Variants in MACROD2 observed in about 807,000 individuals in gnomAD.
MACROD2 encodes the protein mono-ADP ribosylhydrolase 2.
A neutral mutation model predicts 70.4 loss-of-function variants in MACROD2; 36 were observed. That is an observed-to-expected ratio of 0.51 (90% confidence interval 0.39 to 0.68). MACROD2 has a LOEUF of 0.68. Among genes scored for constraint, MACROD2 ranks in the 30% least tolerant of loss-of-function variants. MACROD2 has a pLI of 0.00. For missense variants in MACROD2, 496 were observed against 538.4 expected (o/e 0.92, Z 0.78); for synonymous variants, 172 against 178.8 (o/e 0.96, Z 0.30).
chr20:14,462,664 T>C (rs1316401723), intron 3 of MACROD2, among the ~76,000 whole-genome samples: 2 of 152,164 alleles, frequency 1.3e-5, no homozygotes, highest in Non-Finnish European at 2.9e-5. Context: ...TTTTATCATT[T>C]TAGATCTAAC....
At chr20:15,491,230 G>A (rs1371893640) in intron 7 of MACROD2, among the ~76,000 whole-genome samples, 1 of 152,130 alleles carries the variant, frequency 6.6e-6, no homozygotes, top group Non-Finnish European at 1.5e-5. Flanking sequence ...GAAATATTAT[G>A]TTACCGTCGT....
At chr20:14,872,177 A>T (rs999079591) in intron 5 of MACROD2, among the ~76,000 whole-genome samples, 1 of 152,128 alleles carries the variant, frequency 6.6e-6, no homozygotes, top group Admixed American at 6.5e-5. Flanking sequence ...CCTGATAGAC[A>T]TCTACAGAAC....
intron 5 of MACROD2, among the ~76,000 whole-genome samples, chr20:14,788,331 T>A (rs1004409722): frequency 7.6e-4 from 115 of 152,116 alleles, no homozygotes; most frequent in African/African-American, 2.6e-3. Context: ...ACACCTGTAA[T>A]TCCAGCACTT....
At chr20:14,232,964 A>G (rs949129192) in intron 3 of MACROD2, among the ~76,000 whole-genome samples, 1 of 152,234 alleles carries the variant, frequency 6.6e-6, no homozygotes, top group African/African-American at 2.4e-5. Flanking sequence ...CTTAGAGGCC[A>G]TTGTAGGTTT....
At chr20:16,000,897 T>C (rs950083263) in intron 15 of MACROD2, among the ~76,000 whole-genome samples, 1 of 152,222 alleles carries the variant, frequency 6.6e-6, no homozygotes, top group Non-Finnish European at 1.5e-5. Context: ...AATTTGTACA[T>C]TTATACAGTG....
At chr20:15,551,659 A>G (rs1547972) in intron 8 of MACROD2, among the ~76,000 whole-genome samples, 52,048 of 151,802 alleles carry the variant, frequency 0.34, 9,662 homozygotes, top group African/African-American at 0.48. Context: ...CGGGTGCATC[A>G]GGAGTTAGAG....
intron 6 of MACROD2, among the ~76,000 whole-genome samples, chr20:15,362,680 G>A (rs1474690875): frequency 6.6e-6 from 1 of 151,856 alleles, no homozygotes; most frequent in Non-Finnish European, 1.5e-5. Flanking sequence ...ACCATTTAAT[G>A]TAGTGATCAA....
intron 3 of MACROD2, among the ~76,000 whole-genome samples, chr20:14,372,549 A>G (rs1347368524): frequency 1.3e-5 from 2 of 152,182 alleles, no homozygotes; most frequent in African/African-American, 2.4e-5. Context: ...CTTGGTTAAA[A>G]ATGATCGTAT....
At chr20:14,074,613 G>T (rs2053893441) in intron 2 of MACROD2, among the ~76,000 whole-genome samples, 1 of 152,064 alleles carries the variant, frequency 6.6e-6, no homozygotes, top group Non-Finnish European at 1.5e-5. Flanking sequence ...TTCCAAGTGG[G>T]GATTCACATC....
chr20:15,067,814 TA>T (rs2075589402), intron 5 of MACROD2, among the ~76,000 whole-genome samples: 2 of 152,192 alleles, frequency 1.3e-5, no homozygotes, highest in South Asian at 4.1e-4. Flanking sequence ...TAATGTTTGT[TA>T]ACTACTCTCT....
At chr20:15,923,374 A>C (rs1165039148) in intron 10 of MACROD2, among the ~76,000 whole-genome samples, 11 of 152,178 alleles carry the variant, frequency 7.2e-5, no homozygotes, top group Admixed American at 7.2e-4. Context: ...CTTATTCACT[A>C]TCATGAGAAT....
intron 8 of MACROD2, among the ~76,000 whole-genome samples, chr20:15,655,113 G>A (rs978203492): frequency 2.6e-5 from 4 of 151,918 alleles, no homozygotes; most frequent in Non-Finnish European, 2.9e-5. Context: ...CAATGTGTGT[G>A]TGTGTATGTG....
intron 6 of MACROD2, among the ~76,000 whole-genome samples, chr20:15,313,338 C>T (rs1047806692): frequency 4.6e-5 from 7 of 151,802 alleles, no homozygotes; most frequent in African/African-American, 1.7e-4. Flanking sequence ...AATCCTGTCT[C>T]TACTAAAACT....
At chr20:15,229,787 C>T (rs565290853) in intron 5 of MACROD2, among the ~76,000 whole-genome samples, 153 bp from the exon 6 acceptor site, 3 of 152,308 alleles carry the variant, frequency 2.0e-5, no homozygotes, top group South Asian at 2.1e-4. Context: ...TTAAGATCTT[C>T]TACCAGAGAA....
chr20:15,780,255 T>C (rs1231010037), intron 8 of MACROD2, among the ~76,000 whole-genome samples: 1 of 151,988 alleles, frequency 6.6e-6, no homozygotes, highest in Non-Finnish European at 1.5e-5. Flanking sequence ...TTCTAGAAAA[T>C]CTTTTAACTG....
At chr20:15,885,409 A>G (rs1171278225) in intron 9 of MACROD2, among the ~76,000 whole-genome samples, 1 of 152,172 alleles carries the variant, frequency 6.6e-6, no homozygotes, top group East Asian at 1.9e-4. Context: ...ACCTTTAACA[A>G]AGTTAGAACA....
intron 3 of MACROD2, among the ~76,000 whole-genome samples, chr20:14,434,362 G>A (rs988543390): frequency 9.2e-5 from 14 of 151,890 alleles, no homozygotes; most frequent in African/African-American, 1.2e-4. Flanking sequence ...TTTTAAACTC[G>A]GTTTAGATAT....
chr20:15,008,667 A>G (rs1247908514), intron 5 of MACROD2, among the ~76,000 whole-genome samples: 1 of 152,144 alleles, frequency 6.6e-6, no homozygotes, highest in East Asian at 1.9e-4. Flanking sequence ...CTTACATAAG[A>G]GGGAGAATCA....
intron 5 of MACROD2, among the ~76,000 whole-genome samples, chr20:15,163,178 C>T (rs962312647): frequency 6.6e-6 from 1 of 151,496 alleles, no homozygotes; most frequent in Admixed American, 6.6e-5. Flanking sequence ...AGACATAAGA[C>T]TGGAAAAAAG....
Sources: allele counts gnomAD v4.1 joint callset (sites outside exome capture counted in the v4.1 genomes callset), GRCh38; gene constraint gnomAD v4.1.1; transcripts MANE v1.5; gene names NCBI Gene and HGNC (gene_info 2026-07-23, HGNC 2026-07-21).